SLC2A13: variants seen among roughly 807,000 people sequenced by gnomAD.
SLC2A13 encodes proton myo-inositol cotransporter.
In SLC2A13, 32 loss-of-function variants were observed where a neutral mutation model predicts 64.4. The observed-to-expected ratio is 0.50, with a 90% CI of 0.37 to 0.67. The LOEUF is 0.67. Ranked by LOEUF, SLC2A13 falls within the 30% of genes least tolerant of loss-of-function variation. The pLI, the probability that SLC2A13 is intolerant of heterozygous loss-of-function variation, is 0.00. For missense variants in SLC2A13, 743 were observed against 829.2 expected, an observed-to-expected ratio of 0.90 and a Z score of 1.28; for synonymous variants, 338 against 327.1, an observed-to-expected ratio of 1.03 and a Z score of -0.36.
intron 4 of SLC2A13, among the ~76,000 whole-genome samples, chr12:39,946,841 A>G (rs1190726811): frequency 1.3e-5 from 2 of 152,152 alleles, no homozygotes; most frequent in African/African-American, 4.8e-5. Flanking sequence ...TGAAGTATGA[A>G]CGCCCCATTT....
At chr12:39,975,148 G>C (rs747039665) in intron 3 of SLC2A13, among the ~76,000 whole-genome samples, 8 of 152,140 alleles carry the variant, frequency 5.3e-5, no homozygotes, top group Non-Finnish European at 1.0e-4. Flanking sequence ...TAGACAAACA[G>C]ACATGCAACA....
chr12:40,103,040 AAG>A (rs1447935228), intron 1 of SLC2A13, among the ~76,000 whole-genome samples: 1 of 152,144 alleles, frequency 6.6e-6, no homozygotes, highest in Non-Finnish European at 1.5e-5. Flanking sequence ...ATGTTTCTGG[AAG>A]TGAGATGGGC....
intron 3 of SLC2A13, among the ~76,000 whole-genome samples, chr12:39,987,977 GA>G (rs1947058962): frequency 6.6e-6 from 1 of 152,092 alleles, no homozygotes. Context: ...TTCTACCCGT[GA>G]AAATCATCAC....
At chr12:39,851,263 G>C (rs925625691) in intron 6 of SLC2A13, among the ~76,000 whole-genome samples, 1 of 152,044 alleles carries the variant, frequency 6.6e-6, no homozygotes, top group Non-Finnish European at 1.5e-5. Flanking sequence ...TTCCAAAATG[G>C]ACAAATTAGA....
intron 6 of SLC2A13, among the ~76,000 whole-genome samples, chr12:39,830,823 A>G (rs2135849698): frequency 1.3e-5 from 2 of 152,332 alleles, no homozygotes; most frequent in Middle Eastern, 6.8e-3. Context: ...TATACTGAGT[A>G]TCAATTATGG....
intron 6 of SLC2A13, chr12:39,835,786 T>G (rs975531106): frequency 6.6e-6 from 1 of 152,146 alleles, no homozygotes; most frequent in African/African-American, 2.4e-5. Flanking sequence ...CAAGGCATTC[T>G]TGTAGGTTCA....
intron 4 of SLC2A13, among the ~76,000 whole-genome samples, chr12:39,918,392 A>G (rs1451385157): frequency 2.7e-5 from 4 of 150,436 alleles, no homozygotes; most frequent in African/African-American, 7.4e-5. Context: ...ACGAAACAAG[A>G]GTCTTTATGA....
chr12:39,912,567 G>A (rs1055161467), intron 4 of SLC2A13, among the ~76,000 whole-genome samples: 2 of 152,130 alleles, frequency 1.3e-5, no homozygotes, highest in African/African-American at 4.8e-5. Context: ...AGTAGCCACA[G>A]ATTAGGGATG....
At chr12:40,081,736 G>T (rs890850885) in intron 1 of SLC2A13, among the ~76,000 whole-genome samples, 3 of 152,192 alleles carry the variant, frequency 2.0e-5, no homozygotes, top group African/African-American at 7.2e-5. Flanking sequence ...GTCATTTGGA[G>T]GTAAGATGAC....
intron 1 of SLC2A13, among the ~76,000 whole-genome samples, chr12:40,055,952 C>T (rs1010842427): frequency 1.7e-4 from 25 of 149,988 alleles, no homozygotes; most frequent in African/African-American, 5.9e-4. Context: ...TGCATAACAA[C>T]TAAGGTACAA....
At chr12:40,049,354 G>A (rs142135444) in intron 1 of SLC2A13, among the ~76,000 whole-genome samples, 5 of 152,040 alleles carry the variant, frequency 3.3e-5, no homozygotes, top group South Asian at 4.1e-4. Context: ...GCTTTTTAAC[G>A]AATTTATGAT....
rs571430072 is a variant in SLC2A13 at position 40,105,626 on chromosome 12, G to C, written c.183C>G (p.Val61=). 2.9e-5 allele frequency: 43 copies of C among 1,491,970 alleles called. No individual in the cohort carries two copies. Among genetic ancestry groups the C allele is most frequent in the Non-Finnish European group, 3.6e-5 (41 of 1,124,712 alleles). The allele number at this position is 1,491,970 out of a possible 1,614,324, so 92.4% of individuals were successfully genotyped here. A position where few individuals can be genotyped will look rare whatever the true frequency, so the allele number is the denominator to read the frequency against. The change falls in exon 1 of 10, where the codon GTC becomes GTG. Residue 61 remains valine, a synonymous_variant. Coordinates refer to ENST00000280871, the MANE Select transcript of SLC2A13 (RefSeq NM_052885.4). This position sits in a 1 kb window ranked among gnomAD's most constrained non-coding sequence, Gnocchi z 4.2. ...GCCGCGCCGCGCGCTCCAGGTCCCC[G>C]ACGCCGCCGCCGCCCGCGCCCGCGC... ...LQSAGAGGGG[V]GDLERAARRQ... is the part of the protein sequence containing the mutation.
intron 3 of SLC2A13, among the ~76,000 whole-genome samples, chr12:39,983,524 G>C (rs1946961733): frequency 3.1e-5 from 1 of 32,726 alleles, no homozygotes; most frequent in African/African-American, 1.1e-4. Context: ...CAAAGGACAT[G>C]AACAGACACT....
intron 1 of SLC2A13, among the ~76,000 whole-genome samples, chr12:40,064,803 AC>A (rs1226089764): frequency 6.6e-6 from 1 of 152,214 alleles, no homozygotes; most frequent in Non-Finnish European, 1.5e-5. Flanking sequence ...TAGTTATAGT[AC>A]TAGAAATCCT....
At chr12:39,774,584 C>CTTTTTTTTTTTTTTTTTTTT (rs11322999) in intron 7 of SLC2A13, among the ~76,000 whole-genome samples, 1 of 130,268 alleles carries the variant, frequency 7.7e-6, no homozygotes, top group Non-Finnish European at 1.7e-5. Context: ...ATTGTCCAGC[C>CTTTTTTTTTTTTTTTTTTTT]TTTTTTTTTT....
At chr12:39,853,607 C>CTTT (rs748984164) in intron 6 of SLC2A13, among the ~76,000 whole-genome samples, 2 of 136,186 alleles carry the variant, frequency 1.5e-5, no homozygotes, top group Admixed American at 1.5e-4. Flanking sequence ...TTCTTTCTTT[C>CTTT]TTTTTTTTTT....
At chr12:39,880,406 CCT>C (rs1207614186) in intron 4 of SLC2A13, among the ~76,000 whole-genome samples, 1 of 152,012 alleles carries the variant, frequency 6.6e-6, no homozygotes, top group African/African-American at 2.4e-5. Flanking sequence ...ACTGAGAAAT[CCT>C]CTTTGTACAT....
At chr12:39,871,639 C>CT (rs374790607) in intron 5 of SLC2A13, among the ~76,000 whole-genome samples, 159 bp downstream of exon 5, 118 of 148,354 alleles carry the variant, frequency 8.0e-4, no homozygotes, top group African/African-American at 1.1e-3. Context: ...GTTAAAAGCT[C>CT]TTTTTTTTTT....
At chr12:39,818,067 C>T (rs1323858560) in intron 7 of SLC2A13, among the ~76,000 whole-genome samples, 2 of 152,210 alleles carry the variant, frequency 1.3e-5, no homozygotes, top group African/African-American at 4.8e-5. Flanking sequence ...TCCTAATTTA[C>T]CTCCTGCATT....
Sources: gnomAD v4.1 joint callset for allele counts (sites outside exome capture counted in the v4.1 genomes callset) on GRCh38, gnomAD v4.1.1 for gene constraint, Gnocchi (gnomAD v3.1) non-coding constraint, MANE v1.5 for transcripts, NCBI Gene and HGNC (gene_info 2026-07-23, HGNC 2026-07-21) for gene names.